GRIK3: variants seen among roughly 807,000 people sequenced by gnomAD.
GRIK3 encodes glutamate ionotropic receptor kainate type subunit 3.
Under a neutral mutation model 102.5 loss-of-function variants are expected in GRIK3, and 29 were observed. The observed-to-expected ratio is 0.28, with a 90% CI of 0.21 to 0.39. The LOEUF is 0.39. Among genes scored for constraint, GRIK3 ranks in the 10% least tolerant of loss-of-function variants. GRIK3 has a pLI of 1.00. For synonymous variants in GRIK3, 511 were observed against 504.9 expected, an observed-to-expected ratio of 1.01 and a Z score of -0.16; for missense variants, 908 against 1,252.4, an observed-to-expected ratio of 0.73 and a Z score of 4.15.
At chr1:37,020,937 T>A (rs1642704603) in intron 1 of GRIK3, among the ~76,000 whole-genome samples, 1 of 152,230 alleles carries the variant, frequency 6.6e-6, no homozygotes, top group African/African-American at 2.4e-5. Context: ...ACACGGTGCA[T>A]CTGTTATTTA....
intron 1 of GRIK3, among the ~76,000 whole-genome samples, chr1:36,912,335 GATA>G (rs1162639536): frequency 2.6e-5 from 4 of 152,138 alleles, no homozygotes; most frequent in African/African-American, 9.7e-5. Context: ...GGAGCTGGTG[GATA>G]AACGTCCAGC....
At chr1:36,873,766 G>C (rs1035961614) in intron 3 of GRIK3, among the ~76,000 whole-genome samples, 1 of 152,134 alleles carries the variant, frequency 6.6e-6, no homozygotes, top group African/African-American at 2.4e-5. Flanking sequence ...CCCCAGCCTG[G>C]GAATAGGTAT....
chr1:36,961,969 A>G (rs1272938709), intron 1 of GRIK3, among the ~76,000 whole-genome samples: 1 of 152,160 alleles, frequency 6.6e-6, no homozygotes, highest in African/African-American at 2.4e-5. Context: ...CTGGTCTAAG[A>G]GCCAGAGTCC....
rs781422727 is a variant in GRIK3, at chr1:36,859,937, G to A, written c.867C>T (p.Asn289=). 6.2e-7 allele frequency: 1 copy of A among 1,613,498 alleles called. No individual in the cohort carries two copies. The highest frequency in any genetic ancestry group is 8.5e-7 in the Non-Finnish European group (1 of 1,179,514). Residue 289 remains asparagine, a synonymous_variant, in exon 6 of 16, where the codon AAC becomes AAT. Coordinates refer to ENST00000373091, the MANE Select transcript of GRIK3 (RefSeq NM_000831.4). ...TCTCCACAATGGCCGAGACGTGTGGGTTGTCCACATTGAGAATCCGGAATC... is the reference window on the plus strand; with the variant it reads ...TCTCCACAATGGCCGAGACGTGTGGATTGTCCACATTGAGAATCCGGAATC... ...LTGFRILNVD[N]PHVSAIVEKW...
intron 1 of GRIK3, among the ~76,000 whole-genome samples, chr1:36,927,158 G>T (rs573842822): frequency 6.6e-6 from 1 of 152,214 alleles, no homozygotes; most frequent in Non-Finnish European, 1.5e-5. Flanking sequence ...GGCTCCAGGG[G>T]AGACAGAGAC....
intron 15 of GRIK3, among the ~76,000 whole-genome samples, chr1:36,802,953 C>T (rs889742264): frequency 3.9e-5 from 6 of 152,098 alleles, no homozygotes; most frequent in Non-Finnish European, 5.9e-5. Context: ...TGCGACCCTA[C>T]TATGTGCCAG....
intron 12 of GRIK3, among the ~76,000 whole-genome samples, chr1:36,818,805 T>C (rs1425597831): frequency 6.6e-6 from 1 of 152,232 alleles, no homozygotes; most frequent in Non-Finnish European, 1.5e-5. Flanking sequence ...GGACATTTTC[T>C]CTGTCCCTGG....
At chr1:37,024,703 A>T (rs1569579739) in intron 1 of GRIK3, among the ~76,000 whole-genome samples, 1 of 141,582 alleles carries the variant, frequency 7.1e-6, no homozygotes, top group South Asian at 2.3e-4. Context: ...AGATTGTGCC[A>T]CTGCACTCCA....
intron 11 of GRIK3, among the ~76,000 whole-genome samples, chr1:36,821,826 G>A (rs1285750267): frequency 6.6e-6 from 1 of 152,240 alleles, no homozygotes; most frequent in Admixed American, 6.5e-5. Flanking sequence ...TGGAAGGTGG[G>A]AGGGAGACAA....
rs561300122 is a variant in GRIK3, at chr1:37,008,759, C to T, written c.115+25235G>A. On this transcript the variant is annotated intron_variant, in intron 1 of 15. Coordinates refer to ENST00000373091, the MANE Select transcript of GRIK3 (RefSeq NM_000831.4). ...GGTCTGAGCTCCACTGCCTCCAGGA[C>T]AGCGAGGTCAGAAAATTCTGACATA... Among the ~76,000 whole-genome samples the T allele has an allele frequency of 5.3e-5, 8 of 152,318 alleles. No individual in the cohort carries two copies. In the South Asian group the frequency reaches 1.7e-3, roughly 32 times the overall value.
rs993523668 is a variant in GRIK3, at chr1:36,819,226, G to A, written c.1873+510C>T. Reference sequence around the variant, plus strand: ...CACCTCACAGCCAAGCGGCCACGGAGTCCCATCCACAGTGTATCCTGAAGC... The same window carrying A: ...CACCTCACAGCCAAGCGGCCACGGAATCCCATCCACAGTGTATCCTGAAGC... On this transcript the variant is annotated intron_variant, in intron 12 of 15. Coordinates refer to ENST00000373091, the MANE Select transcript of GRIK3 (RefSeq NM_000831.4). This position sits in a 1 kb window ranked among gnomAD's most constrained non-coding sequence, Gnocchi z 4.1. Among the ~76,000 whole-genome samples the A allele has an allele frequency of 6.6e-5, 10 of 152,222 alleles. No homozygotes were observed. The highest frequency in any genetic ancestry group is 2.4e-4 in the African/African-American group (10 of 41,442).
intron 1 of GRIK3, among the ~76,000 whole-genome samples, chr1:36,894,024 G>A (rs1239113281): frequency 1.3e-5 from 2 of 151,988 alleles, no homozygotes; most frequent in Non-Finnish European, 2.9e-5. Context: ...ATTTTGTTGA[G>A]GTATTATTAC....
At chr1:36,861,830 T>G (rs1312238790) in intron 5 of GRIK3, among the ~76,000 whole-genome samples, 3 of 151,804 alleles carry the variant, frequency 2.0e-5, no homozygotes, top group African/African-American at 7.3e-5. Context: ...CAGGTCAGGA[T>G]CTGGGATGGG....
intron 7 of GRIK3, among the ~76,000 whole-genome samples, chr1:36,855,560 G>A (rs558515782): frequency 3.4e-4 from 52 of 152,326 alleles, no homozygotes; most frequent in Admixed American, 2.9e-3. Flanking sequence ...TTAGAAAGTG[G>A]GCTCTGCACA....
intron 7 of GRIK3, among the ~76,000 whole-genome samples, chr1:36,854,281 G>A (rs142319995): frequency 8.1e-4 from 123 of 152,264 alleles, no homozygotes; most frequent in African/African-American, 2.8e-3. Flanking sequence ...CATTTTACCC[G>A]TCTGCCCCAG....
intron 11 of GRIK3, among the ~76,000 whole-genome samples, chr1:36,823,009 G>C (rs1326208727): frequency 6.6e-6 from 1 of 152,158 alleles, no homozygotes; most frequent in Non-Finnish European, 1.5e-5. Context: ...TGCCAACCTG[G>C]AGTTGCCCCA....
chr1:36,866,955 G>A (rs1640791351), intron 5 of GRIK3, among the ~76,000 whole-genome samples: 1 of 152,168 alleles, frequency 6.6e-6, no homozygotes, highest in Non-Finnish European at 1.5e-5. Flanking sequence ...AGGTTAACTG[G>A]GCACAGTTCT....
intron 5 of GRIK3, among the ~76,000 whole-genome samples, chr1:36,867,338 A>G (rs1298718559): frequency 6.6e-6 from 1 of 152,104 alleles, no homozygotes; most frequent in African/African-American, 2.4e-5. Flanking sequence ...CACCATAGTT[A>G]TCTGGGGCTG....
intron 5 of GRIK3, among the ~76,000 whole-genome samples, chr1:36,866,493 G>T (rs1355271724): frequency 6.6e-6 from 1 of 152,240 alleles, no homozygotes; most frequent in African/African-American, 2.4e-5. Flanking sequence ...CCCTTGGAAA[G>T]TTGTTCTGAA....
Sources: allele counts gnomAD v4.1 joint callset (sites outside exome capture counted in the v4.1 genomes callset), GRCh38; gene constraint gnomAD v4.1.1; non-coding constraint Gnocchi (gnomAD v3.1); transcripts MANE v1.5; gene names NCBI Gene and HGNC (gene_info 2026-07-23, HGNC 2026-07-21).